Variants in ZNF215 observed in about 807,000 individuals in gnomAD.
ZNF215 encodes zinc finger protein 215.
Under a neutral mutation model 27.2 loss-of-function variants are expected in ZNF215, and 24 were observed. The observed-to-expected ratio is 0.88, with a 90% CI of 0.64 to 1.24. ZNF215 has a LOEUF of 1.24. ZNF215 is among the 50% of genes most tolerant of loss of function. The pLI is 0.00. For missense variants in ZNF215, 675 were observed against 605.7 expected (o/e 1.11, Z -1.20); for synonymous variants, 210 against 204.0 (o/e 1.03, Z -0.25).
chr11:6,955,250 C>T (rs1446310936), intron 6 of ZNF215, among the ~76,000 whole-genome samples: 1 of 152,050 alleles, frequency 6.6e-6, no homozygotes, highest in African/African-American at 2.4e-5. Context: ...AGGTATGGTG[C>T]CTGGGAATAC....
chr11:6,980,692 C>T (rs1590088193), intron 5 of ZNF215, among the ~76,000 whole-genome samples: 2 of 151,050 alleles, frequency 1.3e-5, no homozygotes, highest in Non-Finnish European at 3.0e-5. Context: ...ATGTGCCATG[C>T]TGGTGTGCTG....
intron 6 of ZNF215, among the ~76,000 whole-genome samples, chr11:6,948,497 T>A (rs989438665): frequency 1.3e-4 from 20 of 152,094 alleles, no homozygotes; most frequent in Non-Finnish European, 2.6e-4. Flanking sequence ...GTATAAATAT[T>A]AGAAAAGCAA....
At chr11:6,953,647 T>C (rs560342822) in intron 6 of ZNF215, among the ~76,000 whole-genome samples, 67 of 152,336 alleles carry the variant, frequency 4.4e-4, no homozygotes, top group Admixed American at 2.8e-3. Flanking sequence ...TAAAATTTTT[T>C]CAAAGTTTTC....
At chr11:6,929,706 T>C (rs1849183592) in intron 2 of ZNF215, among the ~76,000 whole-genome samples, 1 of 152,182 alleles carries the variant, frequency 6.6e-6, no homozygotes, top group African/African-American at 2.4e-5. Flanking sequence ...CTTATCGCTA[T>C]TAATGTTAAT....
At chr11:6,940,480 G>C (rs889464446) in intron 3 of ZNF215, among the ~76,000 whole-genome samples, 1 of 152,016 alleles carries the variant, frequency 6.6e-6, no homozygotes, top group Non-Finnish European at 1.5e-5. Context: ...AATTTATTAT[G>C]ATTATTATTT....
At chr11:6,985,040 C>T (rs1230215371), downstream of ZNF215, among the ~76,000 whole-genome samples, 1 of 152,112 alleles carries the variant, frequency 6.6e-6, no homozygotes, top group Non-Finnish European at 1.5e-5. Context: ...TCCTCTATAA[C>T]TCATTCTCTA....
chr11:6,960,281 G>A (rs1850489414), downstream of ZNF215, among the ~76,000 whole-genome samples: 1 of 152,130 alleles, frequency 6.6e-6, no homozygotes, highest in African/African-American at 2.4e-5. Flanking sequence ...CGTTTAAAAA[G>A]TCAAGTTACA....
At chr11:6,968,349 G>A (rs924523290) in intron 5 of ZNF215, among the ~76,000 whole-genome samples, 3 of 152,068 alleles carry the variant, frequency 2.0e-5, no homozygotes, top group African/African-American at 7.2e-5. Flanking sequence ...CATGGGGATA[G>A]CACTGAATAT....
intron 2 of ZNF215, among the ~76,000 whole-genome samples, chr11:6,928,554 C>A (rs928798908): frequency 3.3e-5 from 5 of 151,996 alleles, no homozygotes; most frequent in Admixed American, 3.3e-4. Context: ...TTTAAAAATT[C>A]TTTTACATTT....
rs1250590910 is a variant in ZNF215, at chr11:6,955,882, A to G, written c.905A>G (p.Glu302Gly). Residue 302 changes from glutamate (E) to glycine (G), a missense_variant, in exon 7 of 7, where the codon GAA becomes GGA. Transcript: ENST00000278319. ...ETIYTEEEDFECSENKKSFDI... is the reference protein window; with the variant it reads ...ETIYTEEEDFGCSENKKSFDI... ...ATTTACACTGAGGAGGAAGATTTTG[A>G]ATGTAGTGAAAATAAGAAAAGCTTT... 1.2e-6 allele frequency: 2 copies of G among 1,610,104 alleles called. No individual in the cohort carries two copies. The highest frequency in any genetic ancestry group is 1.7e-6 in the Non-Finnish European group (2 of 1,179,020).
intron 4 of ZNF215, among the ~76,000 whole-genome samples, chr11:6,942,622 A>G (rs1165545833): frequency 6.6e-6 from 1 of 152,206 alleles, no homozygotes; most frequent in Non-Finnish European, 1.5e-5. Context: ...GTCCCAAATG[A>G]TAAGAGTTAT....
chr11:6,936,625 C>T (rs1273538827), intron 3 of ZNF215, among the ~76,000 whole-genome samples: 1 of 151,972 alleles, frequency 6.6e-6, no homozygotes, highest in Non-Finnish European at 1.5e-5. Flanking sequence ...CTTAAGTTAT[C>T]CTGTGAGGCA....
intron 4 of ZNF215, 131 bp from the exon 5 acceptor site, chr11:6,942,952 A>T (rs1590055601): frequency 7.3e-7 from 1 of 1,370,670 alleles, no homozygotes; most frequent in East Asian, 2.3e-5. Flanking sequence ...AACCTCAAAC[A>T]TTGTCCTCAG....
Position 6,952,753 on chromosome 11 carries a change from A to G in ZNF215, c.713-2937A>G, listed in dbSNP as rs191283676. 4.6e-5 allele frequency among the ~76,000 whole-genome samples: 7 copies of G among 152,198 alleles called. No homozygotes were observed. In the East Asian group the frequency reaches 1.4e-3, roughly 29 times the overall value. On this transcript the variant is annotated intron_variant, in intron 6 of 6. Coordinates refer to ENST00000278319, the MANE Select transcript of ZNF215 (RefSeq NM_013250.4). ...ATTTACATGTAAAGTTAATATTGTT[A>G]TGTGTGAGTTTGATCCTATCATTAT...
intron 5 of ZNF215, among the ~76,000 whole-genome samples, chr11:6,966,095 A>G (rs913718100): frequency 6.6e-6 from 1 of 152,202 alleles, no homozygotes; most frequent in Non-Finnish European, 1.5e-5. Context: ...TAAGAGGTAT[A>G]GAGCTATTCA....
chr11:6,952,126 C>A (rs1041479386), intron 6 of ZNF215, among the ~76,000 whole-genome samples: 2 of 152,122 alleles, frequency 1.3e-5, no homozygotes, highest in Admixed American at 6.6e-5. Context: ...TATTCTTTTA[C>A]ATTTGCTGAG....
intron 6 of ZNF215, among the ~76,000 whole-genome samples, chr11:6,953,063 C>T (rs1296915329): frequency 1.3e-5 from 2 of 152,144 alleles, no homozygotes; most frequent in Non-Finnish European, 2.9e-5. Flanking sequence ...AATATTGGCC[C>T]CCACTCTCTT....
downstream of ZNF215, among the ~76,000 whole-genome samples, chr11:6,961,394 A>C (rs2133317950): frequency 6.6e-6 from 1 of 152,216 alleles, no homozygotes; most frequent in South Asian, 2.1e-4. Flanking sequence ...AATATGCTTT[A>C]ATGGAGAGAA....
downstream of ZNF215, among the ~76,000 whole-genome samples, chr11:6,962,424 G>C (rs914215284): frequency 2.6e-5 from 4 of 152,118 alleles, no homozygotes; most frequent in Non-Finnish European, 1.5e-5. Context: ...GGAGAATAGA[G>C]GATATCTGGT....
Sources: allele counts gnomAD v4.1 joint callset (sites outside exome capture counted in the v4.1 genomes callset), GRCh38; gene constraint gnomAD v4.1.1; transcripts MANE v1.5; gene names NCBI Gene and HGNC (gene_info 2026-07-23, HGNC 2026-07-21).